Variants in TOMM70 observed in about 807,000 individuals in gnomAD.
TOMM70 encodes the protein mitochondrial import receptor subunit TOM70.
Under a neutral mutation model 73.6 loss-of-function variants are expected in TOMM70, and 13 were observed. That is an observed-to-expected ratio of 0.18 (90% CI 0.11 to 0.28). The LOEUF (loss-of-function observed/expected upper bound fraction) is 0.28. TOMM70 is among the 10% of genes least tolerant of loss of function. The probability of loss-of-function intolerance (pLI) is 1.00; values close to 1 mark genes in which losing one functional copy is unlikely to be tolerated. For missense variants in TOMM70, 609 were observed against 747.5 expected (o/e 0.81, Z 2.16); for synonymous variants, 257 against 271.2 (o/e 0.95, Z 0.51).
chr3:100,390,384 G>A (rs981167115), intron 1 of TOMM70, among the ~76,000 whole-genome samples: 2 of 152,198 alleles, frequency 1.3e-5, no homozygotes, highest in Non-Finnish European at 2.9e-5. Flanking sequence ...ATAACAGACT[G>A]AATATACAAT....
chr3:100,398,256 T>TG lies in TOMM70; in HGVS notation c.324+2369dup, dbSNP rs564118321. On this transcript the variant is annotated intron_variant, in intron 1 of 11. Coordinates refer to ENST00000284320, the MANE Select transcript of TOMM70 (RefSeq NM_014820.5). Reference sequence around the variant, plus strand: ...AAAATTAGCCAGGCATGGTGGCGCATGCCTGTAATCCCAGCTACTCAGGAG... The same window carrying TG: ...AAAATTAGCCAGGCATGGTGGCGCATGGCCTGTAATCCCAGCTACTCAGGAG... 2.9e-3 allele frequency among the ~76,000 whole-genome samples: 435 copies of TG among 151,942 alleles called. 4 individuals carry two copies. The highest frequency in any genetic ancestry group is 9.0e-3 in the African/African-American group (371 of 41,438).
intron 11 of TOMM70, among the ~76,000 whole-genome samples, chr3:100,367,301 A>G (rs1042954939): frequency 6.6e-6 from 1 of 152,092 alleles, no homozygotes. Context: ...TTACCAGCCT[A>G]TATATATTCT....
At position 100,365,703 on chromosome 3, in the gene TOMM70, T is replaced by A. The variant is rs1450954490; in HGVS notation, c.1688A>T (p.Lys563Ile). ...AGCTTTGTTGAACATGTCAATGGCTTTCTCCATGTTTCCTCTAAAAGAACA... is the reference window on the plus strand; with the variant it reads ...AGCTTTGTTGAACATGTCAATGGCTATCTCCATGTTTCCTCTAAAAGAACA... ...TIEVQRGNME[K>I]AIDMFNKAIN... is the part of the protein sequence containing the mutation. Residue 563 changes from lysine (K) to isoleucine (I), a missense_variant, in exon 12 of 12, where the codon AAA becomes ATA. Physicochemically the swap from Lys to Ile is moderately radical, Grantham distance 102. Transcript: ENST00000284320. 3 of 1,613,992 alleles carry A rather than the reference T, an allele frequency of 1.9e-6. No homozygotes were observed. The highest frequency in any genetic ancestry group is 2.5e-6 in the Non-Finnish European group (3 of 1,179,978).
At position 100,384,472 on chromosome 3, in the gene TOMM70, A is replaced by G. The variant is rs1292849545; in HGVS notation, c.735+7T>C. ...ACTCCCCCATTCCCCAAATCAGATC[A>G]ATTTACCTTATATTTTTCTTTGGCT... On this transcript the variant is annotated splice_region_variant and intron_variant, in intron 4 of 11. Coordinates refer to ENST00000284320, the MANE Select transcript of TOMM70 (RefSeq NM_014820.5). 1 of 1,589,790 alleles carries G rather than the reference A, an allele frequency of 6.3e-7. No homozygotes were observed. Among genetic ancestry groups the G allele is most frequent in the Non-Finnish European group, 8.6e-7 (1 of 1,164,898 alleles).
At chr3:100,370,558 A>G (rs1202708080) in intron 9 of TOMM70, among the ~76,000 whole-genome samples, 2 of 152,228 alleles carry the variant, frequency 1.3e-5, no homozygotes, top group Non-Finnish European at 2.9e-5. Flanking sequence ...AGTTCTGTGG[A>G]TATCAGACTA....
intron 6 of TOMM70, among the ~76,000 whole-genome samples, chr3:100,375,454 G>A (rs277634): frequency 6.6e-6 from 1 of 151,970 alleles, no homozygotes; most frequent in African/African-American, 2.4e-5. Context: ...CTATGGATTT[G>A]TATATTCTGG....
At chr3:100,386,114 T>C in intron 3 of TOMM70, 104 bp downstream of exon 3, 1 of 1,353,762 alleles carries the variant, frequency 7.4e-7, no homozygotes, top group Non-Finnish European at 9.9e-7. Flanking sequence ...ATCCAACTTT[T>C]AAAAACAACT....
chr3:100,400,116 C>G (rs923403598), intron 1 of TOMM70, among the ~76,000 whole-genome samples: 2 of 152,126 alleles, frequency 1.3e-5, no homozygotes, highest in African/African-American at 4.8e-5. Context: ...GCCATCTAAT[C>G]GTTTTTGTTT....
chr3:100,390,487 C>T (rs1706745891), intron 1 of TOMM70, among the ~76,000 whole-genome samples: 1 of 152,234 alleles, frequency 6.6e-6, no homozygotes, highest in South Asian at 2.1e-4. Flanking sequence ...ATCTGTGGTG[C>T]TGCCGGTATA....
intron 1 of TOMM70, among the ~76,000 whole-genome samples, chr3:100,396,266 C>T (rs564915999): frequency 6.6e-6 from 1 of 152,136 alleles, no homozygotes; most frequent in East Asian, 1.9e-4. Context: ...AGTCCTCGAC[C>T]CTTTACTAAA....
At chr3:100,395,503 A>G (rs1706815581) in intron 1 of TOMM70, among the ~76,000 whole-genome samples, 2 of 148,158 alleles carry the variant, frequency 1.3e-5, no homozygotes, top group Admixed American at 1.4e-4. Context: ...AGATTGCACC[A>G]CTGCACTCCA....
At chr3:100,378,985 C>T (rs766974210) in intron 5 of TOMM70, among the ~76,000 whole-genome samples, 79 of 151,280 alleles carry the variant, frequency 5.2e-4, no homozygotes, top group African/African-American at 1.8e-3. Context: ...CCAGCTTGGG[C>T]GACAGAGCGA....
At chr3:100,376,846 A>G (rs149983014) in intron 6 of TOMM70, among the ~76,000 whole-genome samples, 32 of 152,324 alleles carry the variant, frequency 2.1e-4, no homozygotes, top group African/African-American at 6.7e-4. Flanking sequence ...TACTACATAC[A>G]TATAGAACAA....
chr3:100,397,409 C>G (rs572176593), intron 1 of TOMM70, among the ~76,000 whole-genome samples: 15 of 152,170 alleles, frequency 9.9e-5, no homozygotes, highest in Admixed American at 2.0e-4. Flanking sequence ...TGTTGCTTTA[C>G]CAAAGAACAA....
chr3:100,379,946 A>C (rs1441642068), intron 5 of TOMM70, among the ~76,000 whole-genome samples: 2 of 152,132 alleles, frequency 1.3e-5, no homozygotes, highest in Admixed American at 1.3e-4. Context: ...AAAATTTAAA[A>C]AGTTATGTCA....
chr3:100,396,911 G>A (rs1413675047), intron 1 of TOMM70, among the ~76,000 whole-genome samples: 1 of 152,146 alleles, frequency 6.6e-6, no homozygotes, highest in Non-Finnish European at 1.5e-5. Context: ...CACACTAATT[G>A]TAAAGGAAAA....
In TOMM70 at chr3:100,400,651, T is replaced by G; in HGVS notation, c.299A>C (p.Glu100Ala). The stretch of plus-strand genomic sequence containing the variant: ...CATGTCCAAGTGAGCACCGGGACCT[T>G]CAGGGTGTCCGCTGCCCGGGGCCGG... ...ASPAPGSGHP[E>A]GPGAHLDMNS... The change falls in exon 1 of 12, where the codon GAA becomes GCA. Residue 100 changes from glutamate to alanine, a missense_variant. By Grantham distance (107) the Glu-to-Ala change is moderately radical (BLOSUM62 -1). Transcript: ENST00000284320. 1 of 1,612,364 alleles carries G rather than the reference T, an allele frequency of 6.2e-7. No individual in the cohort carries two copies. The highest frequency in any genetic ancestry group is 8.5e-7 in the Non-Finnish European group (1 of 1,179,632).
chr3:100,376,823 T>C (rs1354459029), intron 6 of TOMM70, among the ~76,000 whole-genome samples: 1 of 152,192 alleles, frequency 6.6e-6, no homozygotes, highest in Non-Finnish European at 1.5e-5. Context: ...CTTTAAAATT[T>C]TGTTCAAAGC....
Position 100,378,021 on chromosome 3 carries a change from C to T in TOMM70, c.885-109G>A, listed in dbSNP as rs140743988. Reference sequence around the variant, plus strand: ...CAGCACTTTGGGAGGCCGAGGTGGGCGGATCACGAGGTCAGGCATTCGAGA... The same window carrying T: ...CAGCACTTTGGGAGGCCGAGGTGGGTGGATCACGAGGTCAGGCATTCGAGA... On this transcript the variant is annotated intron_variant, in intron 5 of 11. Transcript: ENST00000284320. 5.5e-3 allele frequency: 4,882 copies of T among 882,710 alleles called. 27 individuals carry two copies. The highest frequency in any genetic ancestry group is 9.4e-3 in the Middle Eastern group (26 of 2,754). 54.7% of individuals were successfully genotyped at this position (882,710 alleles called of 1,614,324 possible).
Sources: allele counts gnomAD v4.1 joint callset (sites outside exome capture counted in the v4.1 genomes callset), GRCh38; gene constraint gnomAD v4.1.1; transcripts MANE v1.5; gene names NCBI Gene and HGNC (gene_info 2026-07-23, HGNC 2026-07-21).